Variants in PLAC8L1 observed in about 807,000 individuals in gnomAD.
PLAC8L1 encodes the protein PLAC8 like 1.
In PLAC8L1, 13 loss-of-function variants were observed where a neutral mutation model predicts 16.3. That is an observed-to-expected ratio of 0.80 (90% confidence interval 0.52 to 1.27). PLAC8L1 has a LOEUF of 1.27. PLAC8L1 is among the 50% of genes most tolerant of loss of function. The probability of loss-of-function intolerance (pLI) is 0.00; values close to 1 mark genes in which losing one functional copy is unlikely to be tolerated. For synonymous variants in PLAC8L1, 78 were observed against 79.3 expected (o/e 0.98, Z 0.09); for missense variants, 184 against 220.2 (o/e 0.84, Z 1.04).
At chr5:146,088,376 G>A (rs1286232618) in intron 2 of PLAC8L1, among the ~76,000 whole-genome samples, 1 of 152,142 alleles carries the variant, frequency 6.6e-6, no homozygotes, top group Non-Finnish European at 1.5e-5. Context: ...CACCAGACAC[G>A]AAGGCTCACA....
At chr5:146,087,537 G>A (rs1446221158) in intron 2 of PLAC8L1, among the ~76,000 whole-genome samples, 6 of 152,136 alleles carry the variant, frequency 3.9e-5, no homozygotes, top group Non-Finnish European at 8.8e-5. Context: ...GATTGATTTT[G>A]AGACAGGGTG....
At chr5:146,096,626 C>T (rs976728357) in intron 2 of PLAC8L1, among the ~76,000 whole-genome samples, 2 of 152,106 alleles carry the variant, frequency 1.3e-5, no homozygotes, top group African/African-American at 4.8e-5. Context: ...GTTCTCCTAA[C>T]CACTACACCA....
rs541614105 is a variant in PLAC8L1, at chr5:146,094,250, TTTTGTATTTTCAG to T, written c.256+3893_256+3905del. Reference sequence around the variant, plus strand: ...GGCATGTACCACCATGCCCAGCTAATTTTGTATTTTCAGTAGAGATGGGGTTTCACCATGTTGG... The same window carrying T: ...GGCATGTACCACCATGCCCAGCTAATTAGAGATGGGGTTTCACCATGTTGG... On this transcript the variant is annotated intron_variant, in intron 2 of 3. Transcript: ENST00000311450. Among the ~76,000 whole-genome samples, 16 of 152,170 alleles carry T rather than the reference TTTTGTATTTTCAG, an allele frequency of 1.1e-4. 1 individual carries two copies. The South Asian group carries it at 3.3e-3, about 32-fold the overall frequency.
chr5:146,090,774 CG>C (rs907746297), intron 2 of PLAC8L1, among the ~76,000 whole-genome samples: 16 of 152,112 alleles, frequency 1.1e-4, no homozygotes, highest in African/African-American at 3.9e-4. Context: ...TTTGTCAGGC[CG>C]GGCGCAGTAG....
intron 1 of PLAC8L1, among the ~76,000 whole-genome samples, chr5:146,103,004 A>G (rs925777903): frequency 4.6e-5 from 7 of 152,196 alleles, no homozygotes; most frequent in African/African-American, 1.7e-4. Flanking sequence ...AGGAGAAAGG[A>G]GAACTGGACC....
In PLAC8L1 at chr5:146,104,227, A is replaced by T. The variant is rs75987140; in HGVS notation, c.85T>A (p.Ser29Thr). 1,805 of 1,613,908 alleles carry T rather than the reference A, an allele frequency of 1.1e-3. 14 individuals carry two copies. In the African/African-American group the frequency reaches 0.021, roughly 18 times the overall value. ...GAAATAAAATGTTCATCTTCAGATG[A>T]CATGTGTGACAACAGAGGTGAGTAT... ...NIYSPLLSHM[S>T]SEDEHFISNL... The change falls in exon 1 of 4, where the codon TCA becomes ACA. Residue 29 changes from serine to threonine, a missense_variant. Ser to Thr is a moderately conservative substitution (Grantham distance 58, BLOSUM62 1). Coordinates refer to ENST00000311450, the MANE Select transcript of PLAC8L1 (RefSeq NM_001029869.3).
chr5:146,095,637 T>C (rs528335162), intron 2 of PLAC8L1, among the ~76,000 whole-genome samples: 49 of 152,326 alleles, frequency 3.2e-4, no homozygotes, highest in African/African-American at 1.1e-3. Context: ...ATGATATTTT[T>C]TTGAATTTTC....
Position 146,084,566 on chromosome 5 carries a change from G to T in PLAC8L1, c.400C>A (p.Leu134Met). The T allele has an allele frequency of 6.2e-7, 1 of 1,613,608 alleles. No homozygotes were observed. The highest frequency in any genetic ancestry group is 8.5e-7 in the Non-Finnish European group (1 of 1,180,006). The change falls in exon 4 of 4, where the codon CTG becomes ATG. Residue 134 changes from leucine (L) to methionine (M), a missense_variant. Physicochemically the swap from Leu to Met is conservative, Grantham distance 15. Coordinates refer to ENST00000311450, the MANE Select transcript of PLAC8L1 (RefSeq NM_001029869.3). Reference sequence around the variant, plus strand: ...TGCACCGCCAGCCAGTCTTCACACAGTGTGCCCTAGGGCAAGACCAGAATC... The same window carrying T: ...TGCACCGCCAGCCAGTCTTCACACATTGTGCCCTAGGGCAAGACCAGAATC... ...TRERHKIQGT[L>M]CEDWLAVHCC...
intron 2 of PLAC8L1, among the ~76,000 whole-genome samples, chr5:146,093,657 G>A (rs1763661166): frequency 6.6e-6 from 1 of 152,200 alleles, no homozygotes; most frequent in Non-Finnish European, 1.5e-5. Context: ...TAAATGCTCT[G>A]CTGGGCGTCA....
chr5:146,087,508 G>T (rs1027477924), intron 2 of PLAC8L1, among the ~76,000 whole-genome samples: 2 of 152,146 alleles, frequency 1.3e-5, no homozygotes, highest in African/African-American at 4.8e-5. Context: ...GTTATATTTT[G>T]TTTATTTATT....
chr5:146,099,990 C>T (rs905425108), intron 1 of PLAC8L1, among the ~76,000 whole-genome samples: 6 of 152,154 alleles, frequency 3.9e-5, no homozygotes, highest in Admixed American at 1.3e-4. Flanking sequence ...AGCCTTCCCT[C>T]GGACCAACTG....
chr5:146,099,633 T>C (rs987582176), intron 1 of PLAC8L1, among the ~76,000 whole-genome samples: 2 of 129,268 alleles, frequency 1.5e-5, no homozygotes, highest in Admixed American at 1.9e-4. Context: ...CACCCCAGCC[T>C]GGGTGACAGA....
chr5:146,101,851 A>G lies in PLAC8L1; in HGVS notation c.119+2342T>C, dbSNP rs1206771681. ...CTTCCATCATTAGGCTAAGAGCTTC[A>G]ATCGTCTTTTAGTAGAGGGATTTCT... On this transcript the variant is annotated intron_variant, in intron 1 of 3. Coordinates refer to ENST00000311450, the MANE Select transcript of PLAC8L1 (RefSeq NM_001029869.3). Among the ~76,000 whole-genome samples the G allele has an allele frequency of 2.0e-5, 3 of 152,162 alleles. No individual in the cohort carries two copies. In the East Asian group the frequency reaches 5.8e-4, roughly 29 times the overall value.
intron 2 of PLAC8L1, among the ~76,000 whole-genome samples, chr5:146,096,045 A>C (rs1033977584): frequency 1.4e-4 from 21 of 152,180 alleles, no homozygotes; most frequent in Non-Finnish European, 2.9e-5. Flanking sequence ...TTATTTTCTC[A>C]TGGGAGAATT....
intron 2 of PLAC8L1, among the ~76,000 whole-genome samples, chr5:146,086,619 A>G (rs1029244455): frequency 2.2e-4 from 34 of 152,222 alleles, no homozygotes; most frequent in African/African-American, 8.2e-4. Flanking sequence ...TGAGAGTACA[A>G]TGATAGCTAT....
At chr5:146,090,052 G>A (rs1284136476) in intron 2 of PLAC8L1, among the ~76,000 whole-genome samples, 2 of 151,866 alleles carry the variant, frequency 1.3e-5, no homozygotes, top group African/African-American at 4.8e-5. Context: ...CTTCTTTAAG[G>A]AAGATCCTTT....
At chr5:146,090,600 T>G (rs1341133970) in intron 2 of PLAC8L1, among the ~76,000 whole-genome samples, 1 of 151,630 alleles carries the variant, frequency 6.6e-6, no homozygotes, top group Non-Finnish European at 1.5e-5. Flanking sequence ...TATAGAAGAT[T>G]AAACAAAAGA....
Position 146,098,141 on chromosome 5 carries a change from G to A in PLAC8L1, c.256+15C>T, listed in dbSNP as rs1368142380. On this transcript the variant is annotated intron_variant, in intron 2 of 3. Coordinates refer to ENST00000311450, the MANE Select transcript of PLAC8L1 (RefSeq NM_001029869.3). ...AAATAGTAAGGAGGAACTTAAATAAGGAGGAAAAACTTACAAATTCTCCTA... is the reference window on the plus strand; with the variant it reads ...AAATAGTAAGGAGGAACTTAAATAAAGAGGAAAAACTTACAAATTCTCCTA... The A allele has an allele frequency of 1.2e-6, 2 of 1,603,896 alleles. No individual in the cohort carries two copies. The highest frequency in any genetic ancestry group is 4.5e-5 in the East Asian group (2 of 44,590).
chr5:146,101,133 G>C (rs1763808713), intron 1 of PLAC8L1, among the ~76,000 whole-genome samples: 1 of 148,814 alleles, frequency 6.7e-6, no homozygotes, highest in South Asian at 2.1e-4. Flanking sequence ...GGAGGAAGAG[G>C]CTGCAATGAG....
Sources: allele counts gnomAD v4.1 joint callset (sites outside exome capture counted in the v4.1 genomes callset), GRCh38; gene constraint gnomAD v4.1.1; transcripts MANE v1.5; gene names NCBI Gene and HGNC (gene_info 2026-07-23, HGNC 2026-07-21).